The following ZNF37A variants were observed in gnomAD, a reference collection of about 807,000 sequenced individuals.
ZNF37A encodes the protein zinc finger protein 37a (KOX 21).
In ZNF37A, 10 loss-of-function variants were observed where a neutral mutation model predicts 12.3. That is an observed-to-expected ratio of 0.82 (90% CI 0.50 to 1.38). The LOEUF is 1.38. Ranked by LOEUF, ZNF37A falls within the 40% of genes most tolerant of loss-of-function variation. The probability of loss-of-function intolerance (pLI) is 0.00; values close to 1 mark genes in which losing one functional copy is unlikely to be tolerated. For synonymous variants in ZNF37A, 207 were observed against 223.0 expected (o/e 0.93, Z 0.64); for missense variants, 580 against 651.2 (o/e 0.89, Z 1.19).
At chr10:38,096,352 A>G (rs2067154047) in intron 4 of ZNF37A, among the ~76,000 whole-genome samples, 1 of 152,196 alleles carries the variant, frequency 6.6e-6, no homozygotes, top group South Asian at 2.1e-4. Context: ...TTAGTTTAAT[A>G]TATCGGTTTG....
intron 5 of ZNF37A, among the ~76,000 whole-genome samples, chr10:38,104,101 C>G (rs1284747421): frequency 6.6e-6 from 1 of 152,186 alleles, no homozygotes; most frequent in Non-Finnish European, 1.5e-5. Context: ...CTTATCCCCA[C>G]CCCTGGCCCC....
At position 38,117,383 on chromosome 10, in the gene ZNF37A, A is replaced by G. The variant is rs58217854; in HGVS notation, c.239-7A>G. ...CAACTAACCTTTCTTTTCACTCTGT[A>G]TTTCAGAATTAATTAATACCAGTAG... is the stretch of plus-strand genomic sequence containing the variant. On this transcript the variant is annotated splice_region_variant and splice_polypyrimidine_tract_variant and intron_variant, in intron 7 of 7. Transcript: ENST00000685332. 18,380 of 1,547,062 alleles carry G rather than the reference A, an allele frequency of 0.012. 428 individuals carry two copies. Among genetic ancestry groups the G allele is most frequent in the African/African-American group, 0.079 (5,670 of 72,150 alleles).
chr10:38,127,460 A>G (rs1249056037), downstream of ZNF37A, among the ~76,000 whole-genome samples: 1 of 152,204 alleles, frequency 6.6e-6, no homozygotes, highest in African/African-American at 2.4e-5. Context: ...TGTGTGTGAT[A>G]CTTGGCTTTA....
chr10:38,117,769 A>G lies in ZNF37A; in HGVS notation c.618A>G (p.Gly206=), dbSNP rs1415099563. The G allele has an allele frequency of 1.9e-6, 3 of 1,614,036 alleles. No individual in the cohort carries two copies. The South Asian group carries it at 3.3e-5, about 18-fold the overall frequency. ...AAAACCACTATGGTAATGAATGTGG[A>G]GAAAATATCTTTGAGGAATCCATTC... ...PRENHYGNEC[G]ENIFEESILL... is the part of the protein sequence containing the mutation. The change falls in exon 8 of 8, where the codon GGA becomes GGG. Residue 206 remains glycine, a synonymous_variant. Transcript: ENST00000685332.
rs190612298 is a variant in ZNF37A at position 38,134,183 on chromosome 10, C to T, written c.239-12549C>T. Among the ~76,000 whole-genome samples the T allele has an allele frequency of 3.8e-3, 583 of 152,262 alleles. 5 individuals are homozygous for T. The highest frequency in any genetic ancestry group is 0.014 in the African/African-American group (568 of 41,554). ...TTGCTGTTTATTCTAGTTAGCCATT[C>T]GTCCAATCTTCTTTCAAAGTTTTTA... On this transcript the variant is annotated intron_variant, in intron 7 of 7. Transcript: ENST00000638053.
rs1564931798 is a variant in ZNF37A at position 38,112,740 on chromosome 10, CTTT to C, written c.16-2013_16-2011del. On this transcript the variant is annotated intron_variant, in intron 5 of 7. Coordinates refer to ENST00000685332, the MANE Select transcript of ZNF37A (RefSeq NM_001324250.3). ...CTGTATTTTACATCCATTTTCTTTT[CTTT>C]TCTTTTCTTTTCTTTTCTTTTCTTT... 3.0e-3 allele frequency among the ~76,000 whole-genome samples: 67 copies of C among 22,330 alleles called. 2 individuals are homozygous for C. The highest frequency in any genetic ancestry group is 0.018 in the Middle Eastern group (1 of 56). 14.6% of individuals were successfully genotyped at this position (22,330 alleles called of 152,430 possible).
rs748580050 is a variant in ZNF37A, at chr10:38,117,922, C to G, written c.771C>G (p.Val257=). The change falls in exon 8 of 8, where the codon GTC becomes GTG. Residue 257 remains valine (V), a synonymous_variant. Coordinates refer to ENST00000685332, the MANE Select transcript of ZNF37A (RefSeq NM_001324250.3). Reference sequence around the variant, plus strand: ...GAACATTTTTCAGTGAAAAATTAGTCCTTCATTTACAACAGAGAACACATA... The same window carrying G: ...GAACATTTTTCAGTGAAAAATTAGTGCTTCATTTACAACAGAGAACACATA... ...ECGTFFSEKL[V]LHLQQRTHTG... The G allele has an allele frequency of 2.5e-6, 4 of 1,613,796 alleles. No individual in the cohort carries two copies. The South Asian group carries it at 3.3e-5, about 13-fold the overall frequency.
chr10:38,145,873 C>T (rs2070246707), intron 7 of ZNF37A, among the ~76,000 whole-genome samples: 1 of 152,108 alleles, frequency 6.6e-6, no homozygotes, highest in African/African-American at 2.4e-5. Context: ...CTGAGGCGGG[C>T]AGATCACCTG....
intron 5 of ZNF37A, among the ~76,000 whole-genome samples, chr10:38,097,542 C>G (rs1271990711): frequency 7.3e-6 from 1 of 136,486 alleles, no homozygotes; most frequent in Admixed American, 8.3e-5. Context: ...TGAGATTGCA[C>G]CACTGCACTC....
At chr10:38,099,219 T>C (rs2067372912) in intron 5 of ZNF37A, among the ~76,000 whole-genome samples, 2 of 152,188 alleles carry the variant, frequency 1.3e-5, no homozygotes, top group Admixed American at 6.5e-5. Flanking sequence ...GTACATATAA[T>C]CTCCAGAACT....
rs919124556 is a variant in ZNF37A, at chr10:38,102,837, A to AT, written c.15+6214dup. Among the ~76,000 whole-genome samples the AT allele has an allele frequency of 1.4e-4, 21 of 150,042 alleles. No homozygotes were observed. The East Asian group carries it at 2.4e-3, about 17-fold the overall frequency. Reference sequence around the variant, plus strand: ...TTTTGCCTAATGTAGAATTTTTGTTATTTTTTTTTCTTTTGGTACTTTAAA... The same window carrying AT: ...TTTTGCCTAATGTAGAATTTTTGTTATTTTTTTTTTCTTTTGGTACTTTAAA... On this transcript the variant is annotated intron_variant, in intron 5 of 7. Coordinates refer to ENST00000685332, the MANE Select transcript of ZNF37A (RefSeq NM_001324250.3).
At chr10:38,136,055 CTT>C (rs1005274233) in intron 7 of ZNF37A, among the ~76,000 whole-genome samples, 1 of 152,138 alleles carries the variant, frequency 6.6e-6, no homozygotes, top group Non-Finnish European at 1.5e-5. Context: ...GCTTTAAAAA[CTT>C]TTTTTGAGAG....
intron 7 of ZNF37A, among the ~76,000 whole-genome samples, chr10:38,134,237 C>G (rs895349911): frequency 1.3e-5 from 2 of 152,192 alleles, no homozygotes; most frequent in Non-Finnish European, 2.9e-5. Flanking sequence ...CGAACATCCT[C>G]CTTTAGCTCA....
chr10:38,127,930 G>C (rs2069952002), downstream of ZNF37A, among the ~76,000 whole-genome samples: 2 of 152,200 alleles, frequency 1.3e-5, no homozygotes, highest in Admixed American at 1.3e-4. Flanking sequence ...AATTTACGCT[G>C]ATTTTAATAC....
chr10:38,115,181 A>C lies in ZNF37A; in HGVS notation c.143-14A>C, dbSNP rs143180849. 1 of 1,611,912 alleles carries C rather than the reference A, an allele frequency of 6.2e-7. No homozygotes were observed. Among genetic ancestry groups the C allele is most frequent in the African/African-American group, 1.3e-5 (1 of 74,442 alleles). ...CACCCAGTTTGTCCCAAGTAATACA[A>C]TTCTCATTCACAGGGTATTGCATTC... is the stretch of plus-strand genomic sequence containing the variant. On this transcript the variant is annotated splice_polypyrimidine_tract_variant and intron_variant, in intron 6 of 7. Coordinates refer to ENST00000685332, the MANE Select transcript of ZNF37A (RefSeq NM_001324250.3).
intron 5 of ZNF37A, among the ~76,000 whole-genome samples, chr10:38,107,912 T>C (rs2068268379): frequency 6.6e-6 from 1 of 152,114 alleles, no homozygotes; most frequent in Non-Finnish European, 1.5e-5. Flanking sequence ...TGGGAGACTT[T>C]AACAACCCAC....
chr10:38,099,638 G>A (rs538206577), intron 5 of ZNF37A, among the ~76,000 whole-genome samples: 39 of 152,276 alleles, frequency 2.6e-4, no homozygotes, highest in Non-Finnish European at 1.8e-4. Context: ...ATACTCAAAA[G>A]TGGTATGGCT....
At chr10:38,140,520 A>G (rs2070168105) in intron 7 of ZNF37A, 1 of 152,238 alleles carries the variant, frequency 6.6e-6, no homozygotes, top group African/African-American at 2.4e-5. Context: ...AAATATCAAT[A>G]TATACGCAGA....
chr10:38,098,475 G>A (rs113303462), intron 5 of ZNF37A, among the ~76,000 whole-genome samples: 30 of 152,306 alleles, frequency 2.0e-4, no homozygotes, highest in Non-Finnish European at 2.5e-4. Flanking sequence ...TTGAGTTTTT[G>A]ATAAGTATTG....
Sources: gnomAD v4.1 joint callset for allele counts (sites outside exome capture counted in the v4.1 genomes callset) on GRCh38, gnomAD v4.1.1 for gene constraint, MANE v1.5 for transcripts, NCBI Gene and HGNC (gene_info 2026-07-23, HGNC 2026-07-21) for gene names.